Variants in WDFY4 observed in about 807,000 individuals in gnomAD.
The protein encoded by WDFY4 is WDFY family member 4, also known as WD repeat- and FYVE domain-containing protein 4.
WDFY4 carries 169 observed loss-of-function variants against 351.9 expected under a neutral mutation model. The ratio of observed to expected loss-of-function variants is 0.48; its 90% CI spans 0.42 to 0.55. WDFY4 has a LOEUF of 0.55. Ranked by LOEUF, WDFY4 falls within the 20% of genes least tolerant of loss-of-function variation. The probability of loss-of-function intolerance (pLI) is 0.00; values close to 1 mark genes in which losing one functional copy is unlikely to be tolerated. For synonymous variants in WDFY4, 1,622 were observed against 1,574.6 expected, an observed-to-expected ratio of 1.03 and a Z score of -0.71; for missense variants, 3,803 against 3,935.6, an observed-to-expected ratio of 0.97 and a Z score of 0.90.
At chr10:48,726,105 C>G (rs1416199040) in intron 6 of WDFY4, 35 bp downstream of exon 6, 1 of 1,520,482 alleles carries the variant, frequency 6.6e-7, no homozygotes, top group South Asian at 1.2e-5. Context: ...GGCTGTGGGC[C>G]ATGCAAGGGC....
chr10:48,828,994 G>A lies in WDFY4; in HGVS notation c.6340+98G>A, dbSNP rs1236088524. 1.3e-5 allele frequency: 9 copies of A among 684,054 alleles called. 1 individual carries two copies. Among genetic ancestry groups the A allele is most frequent in the South Asian group, 4.1e-5 (2 of 49,364 alleles). The allele number at this position is 684,054 out of a possible 1,614,324, so 42.4% of individuals were successfully genotyped here. ...CTGCTAGGGTTGCATTCTTCAGTTCGTCCTTCCCGAAATAAGAAAGCAGAT... is the reference window on the plus strand; with the variant it reads ...CTGCTAGGGTTGCATTCTTCAGTTCATCCTTCCCGAAATAAGAAAGCAGAT... On this transcript the variant is annotated intron_variant, in intron 37 of 61. Coordinates refer to ENST00000325239, the MANE Select transcript of WDFY4 (RefSeq NM_001394531.1).
intron 47 of WDFY4, among the ~76,000 whole-genome samples, chr10:48,917,730 TC>T (rs1384993887): frequency 6.6e-6 from 1 of 152,182 alleles, no homozygotes; most frequent in Non-Finnish European, 1.5e-5. Context: ...AAAAGAAATG[TC>T]CAAGGAAGTT....
chr10:48,786,596 T>A (rs2066412680), intron 19 of WDFY4, 43 bp from the exon 20 acceptor site: 3 of 1,433,900 alleles, frequency 2.1e-6, no homozygotes, highest in East Asian at 5.0e-5. Flanking sequence ...TGATTAACTC[T>A]GAGATCAAAC....
At chr10:48,955,445 TC>T (rs1841539717) in intron 51 of WDFY4, among the ~76,000 whole-genome samples, 1 of 152,164 alleles carries the variant, frequency 6.6e-6, no homozygotes, top group African/African-American at 2.4e-5. Context: ...TGTGGTAGGT[TC>T]CCCCCTCTCA....
rs1386978350 is a variant in WDFY4 at position 48,731,596 on chromosome 10, G to T, written c.1582+34G>T. 13 of 1,532,864 alleles carry T rather than the reference G, an allele frequency of 8.5e-6. No homozygotes were observed. The East Asian group carries it at 2.9e-4, about 35-fold the overall frequency. The allele number at this position is 1,532,864 out of a possible 1,614,324, so 95.0% of individuals were successfully genotyped here. ...GGGTGCATTGGGAGGGATGGGCAGGGGTCAGTGTCAGCCAGGCCTGACCTT... is the reference window on the plus strand; with the variant it reads ...GGGTGCATTGGGAGGGATGGGCAGGTGTCAGTGTCAGCCAGGCCTGACCTT... On this transcript the variant is annotated intron_variant, in intron 9 of 61. Coordinates refer to ENST00000325239, the MANE Select transcript of WDFY4 (RefSeq NM_001394531.1).
At chr10:48,849,415 A>C (rs140966998) in intron 39 of WDFY4, among the ~76,000 whole-genome samples, 90 of 152,312 alleles carry the variant, frequency 5.9e-4, no homozygotes, top group Middle Eastern at 3.4e-3. Context: ...TTTGTTAAGT[A>C]CCAGATGAAG....
At chr10:48,806,771 C>CGA (rs2067270567) in intron 27 of WDFY4, among the ~76,000 whole-genome samples, 1 of 152,044 alleles carries the variant, frequency 6.6e-6, no homozygotes, top group Non-Finnish European at 1.5e-5. Flanking sequence ...CTGTCCAAGA[C>CGA]GAGAGCCCCT....
At chr10:48,899,087 A>T (rs1020943829) in intron 45 of WDFY4, among the ~76,000 whole-genome samples, 1 of 150,938 alleles carries the variant, frequency 6.6e-6, no homozygotes, top group Non-Finnish European at 1.5e-5. Flanking sequence ...TTCCCCAAGT[A>T]CATGGTGATT....
At chr10:48,909,389 A>G (rs756306799) in intron 47 of WDFY4, 16 of 152,168 alleles carry the variant, frequency 1.1e-4, no homozygotes, top group Non-Finnish European at 1.2e-4. Flanking sequence ...ATTTTTTAGC[A>G]TATTTTTCTA....
chr10:48,867,924 A>G (rs2133255789), intron 40 of WDFY4, among the ~76,000 whole-genome samples: 1 of 152,368 alleles, frequency 6.6e-6, no homozygotes, highest in South Asian at 2.1e-4. Flanking sequence ...AAAAATGCAG[A>G]GATTATGATA....
chr10:48,817,603 CT>C (rs1162387319), intron 32 of WDFY4, among the ~76,000 whole-genome samples, 194 bp downstream of exon 32: 9 of 152,234 alleles, frequency 5.9e-5, no homozygotes, highest in African/African-American at 2.2e-4. Flanking sequence ...ATTTTCAGCT[CT>C]GAGATTCAAT....
At chr10:48,789,822 GCTT>G (rs1174228670) in intron 21 of WDFY4, 49 bp from the exon 22 acceptor site, 3 of 1,531,852 alleles carry the variant, frequency 2.0e-6, no homozygotes, top group East Asian at 2.4e-5. Flanking sequence ...CGTGGACAAT[GCTT>G]CTTCTTTTGC....
intron 50 of WDFY4, 85 bp from the exon 51 acceptor site, chr10:48,946,775 G>A (rs1361655121): frequency 1.8e-5 from 18 of 993,718 alleles, no homozygotes; most frequent in South Asian, 1.2e-4. Context: ...TTTTAATGCC[G>A]TTCATGAACA....
chr10:48,703,999 C>T (rs2063553446), intron 1 of WDFY4, among the ~76,000 whole-genome samples: 1 of 152,136 alleles, frequency 6.6e-6, no homozygotes, highest in African/African-American at 2.4e-5. Context: ...CCTCTTGGGT[C>T]CCTGCAGGCT....
chr10:48,796,145 G>A (rs1434490130), intron 23 of WDFY4, among the ~76,000 whole-genome samples, 153 bp from the exon 24 acceptor site: 1 of 152,192 alleles, frequency 6.6e-6, no homozygotes, highest in Non-Finnish European at 1.5e-5. Context: ...AGTGGCCACA[G>A]AAGTTGATGT....
intron 39 of WDFY4, among the ~76,000 whole-genome samples, chr10:48,850,056 TTCTTTC>T (rs1193625917): frequency 1.3e-5 from 2 of 152,246 alleles, no homozygotes; most frequent in African/African-American, 2.4e-5. Flanking sequence ...TGATATGCCC[TTCTTTC>T]CACATGATAT....
chr10:48,788,795 T>TA, intron 21 of WDFY4, 120 bp downstream of exon 21: 5 of 1,305,302 alleles, frequency 3.8e-6, no homozygotes, highest in Non-Finnish European at 5.1e-6. Flanking sequence ...GATACACAAA[T>TA]ACATGTTTCC....
intron 47 of WDFY4, among the ~76,000 whole-genome samples, chr10:48,937,706 T>C (rs769484460): frequency 6.6e-6 from 1 of 152,178 alleles, no homozygotes; most frequent in Non-Finnish European, 1.5e-5. Context: ...TGAAAAGCGA[T>C]AGGTAGTTAT....
At chr10:48,931,119 ACACACACACAC>A (rs1839977189) in intron 47 of WDFY4, among the ~76,000 whole-genome samples, 1 of 149,856 alleles carries the variant, frequency 6.7e-6, no homozygotes, top group African/African-American at 2.5e-5. Flanking sequence ...ACACACACAC[ACACACACACAC>A]GATTCCGCTT....
Sources: gnomAD v4.1 joint callset for allele counts (sites outside exome capture counted in the v4.1 genomes callset) on GRCh38, gnomAD v4.1.1 for gene constraint, MANE v1.5 for transcripts, NCBI Gene and HGNC (gene_info 2026-07-23, HGNC 2026-07-21) for gene names.